The following TSPAN9 variants were observed in gnomAD, a reference collection of about 807,000 sequenced individuals.
TSPAN9 encodes the protein tetraspanin 9.
TSPAN9 carries 16 observed loss-of-function variants against 31.0 expected under a neutral mutation model. The ratio of observed to expected loss-of-function variants is 0.52; its 90% confidence interval spans 0.35 to 0.78. The LOEUF (loss-of-function observed/expected upper bound fraction) is 0.78, where lower values mean the gene tolerates loss of function less well. Ranked by LOEUF, TSPAN9 falls within the 30% of genes least tolerant of loss-of-function variation. The pLI is 0.01. For synonymous variants in TSPAN9, 145 were observed against 121.6 expected (o/e 1.19, Z -1.27); for missense variants, 272 against 312.5 (o/e 0.87, Z 0.98).
intron 2 of TSPAN9, among the ~76,000 whole-genome samples, chr12:3,196,552 G>T (rs369425545): frequency 6.6e-6 from 1 of 152,314 alleles, no homozygotes; most frequent in East Asian, 1.9e-4. Context: ...TGAAGATTGA[G>T]TGAGTTACTT....
At chr12:3,248,789 A>G (rs890059262) in intron 3 of TSPAN9, among the ~76,000 whole-genome samples, 2 of 152,178 alleles carry the variant, frequency 1.3e-5, no homozygotes, top group African/African-American at 4.8e-5. Context: ...GTTTCCAGCT[A>G]CATCTGGTGT....
chr12:3,210,133 C>A (rs79784729), intron 3 of TSPAN9, among the ~76,000 whole-genome samples: 41 of 141,224 alleles, frequency 2.9e-4, no homozygotes, highest in African/African-American at 3.5e-4. Flanking sequence ...GACTCCGTCT[C>A]AAAAAAAAAA....
intron 2 of TSPAN9, among the ~76,000 whole-genome samples, chr12:3,174,480 T>A (rs1355643895): frequency 6.6e-6 from 1 of 152,258 alleles, no homozygotes; most frequent in Admixed American, 6.5e-5. Context: ...TGTGTTCATT[T>A]CCAGGAGCCT....
At chr12:3,169,146 A>AG (rs907391509) in intron 2 of TSPAN9, among the ~76,000 whole-genome samples, 33 of 152,188 alleles carry the variant, frequency 2.2e-4, no homozygotes, top group African/African-American at 7.0e-4. Context: ...AGTGTGGGAG[A>AG]GGGGCAGAGG....
At chr12:3,266,352 A>G (rs1862536013) in intron 3 of TSPAN9, among the ~76,000 whole-genome samples, 1 of 152,200 alleles carries the variant, frequency 6.6e-6, no homozygotes, top group Non-Finnish European at 1.5e-5. Flanking sequence ...CTGGGTTGGG[A>G]GAATTAAATG....
chr12:3,239,728 C>G (rs2098395598), intron 3 of TSPAN9, among the ~76,000 whole-genome samples: 1 of 152,178 alleles, frequency 6.6e-6, no homozygotes, highest in African/African-American at 2.4e-5. Flanking sequence ...GGTTCCTGGT[C>G]TGCCCTCCTG....
Position 3,280,241 on chromosome 12 carries a change from G to T in TSPAN9, c.331-141G>T. The T allele has an allele frequency of 1.4e-6, 1 of 716,150 alleles. No individual in the cohort carries two copies. The allele number at this position is 716,150 out of a possible 1,614,324, so 44.4% of individuals were successfully genotyped here. ...CCAGCAGAGGCCCCCACCCCAGTGG[G>T]CAGGGCCTTCCAGACCAGCTGCCTT... On this transcript the variant is annotated intron_variant, in intron 5 of 8. Transcript: ENST00000011898. The surrounding 1 kb of genome is among the most constrained non-coding windows in gnomAD (Gnocchi z 4.5).
intron 2 of TSPAN9, among the ~76,000 whole-genome samples, chr12:3,176,246 A>G (rs1267103901): frequency 1.3e-5 from 2 of 152,124 alleles, no homozygotes. Context: ...GCAGAGTGAG[A>G]GTCTGAATGG....
At chr12:3,098,752 C>G (rs1188842442) in intron 2 of TSPAN9, among the ~76,000 whole-genome samples, 3 of 148,204 alleles carry the variant, frequency 2.0e-5, no homozygotes, top group African/African-American at 7.5e-5. Context: ...TTTTCTCTCT[C>G]TCTCTTTTTT....
At chr12:3,089,807 G>A (rs1263627426) in intron 2 of TSPAN9, among the ~76,000 whole-genome samples, 1 of 152,084 alleles carries the variant, frequency 6.6e-6, no homozygotes, top group Non-Finnish European at 1.5e-5. Context: ...TCGGGAGGCT[G>A]AGGTGGGAGG....
intron 3 of TSPAN9, among the ~76,000 whole-genome samples, chr12:3,260,309 G>C (rs142655819): frequency 0.012 from 1,873 of 152,382 alleles, 15 homozygotes; most frequent in Middle Eastern, 0.044. Flanking sequence ...AGCAGTCCCT[G>C]TTGTCACATG....
At chr12:3,221,349 A>AAT (rs1426247600) in intron 3 of TSPAN9, among the ~76,000 whole-genome samples, 8 of 147,824 alleles carry the variant, frequency 5.4e-5, no homozygotes, top group Non-Finnish European at 8.9e-5. Flanking sequence ...TTTTATTTAA[A>AAT]ATATTTTTCT....
chr12:3,105,020 TC>T (rs2098313586), intron 2 of TSPAN9, among the ~76,000 whole-genome samples: 1 of 152,208 alleles, frequency 6.6e-6, no homozygotes, highest in Admixed American at 6.5e-5. Flanking sequence ...GGGCAGGCCC[TC>T]TGCTTTAACT....
intron 5 of TSPAN9, among the ~76,000 whole-genome samples, 185 bp downstream of exon 5, chr12:3,279,251 G>A (rs890905695): frequency 6.6e-6 from 1 of 152,208 alleles, no homozygotes; most frequent in African/African-American, 2.4e-5. Context: ...GTTTTGATGG[G>A]GGCAGCATGG....
At chr12:3,237,248 C>T (rs369929680) in intron 3 of TSPAN9, among the ~76,000 whole-genome samples, 118 of 152,306 alleles carry the variant, frequency 7.7e-4, no homozygotes, top group African/African-American at 2.5e-3. Context: ...CCTGTGTCAG[C>T]GGCTCTATAG....
intron 3 of TSPAN9, among the ~76,000 whole-genome samples, chr12:3,210,133 C>CA (rs61255920): frequency 0.36 from 50,708 of 140,288 alleles, 9,225 homozygotes; most frequent in East Asian, 0.5. Context: ...GACTCCGTCT[C>CA]AAAAAAAAAA....
chr12:3,161,619 G>C (rs1347237916), intron 2 of TSPAN9, among the ~76,000 whole-genome samples: 1 of 152,170 alleles, frequency 6.6e-6, no homozygotes, highest in Non-Finnish European at 1.5e-5. Context: ...CTTTCCTGCT[G>C]GAAGAGCACC....
intron 2 of TSPAN9, among the ~76,000 whole-genome samples, chr12:3,195,883 C>T (rs1241048185): frequency 6.6e-6 from 1 of 152,178 alleles, no homozygotes; most frequent in African/African-American, 2.4e-5. Flanking sequence ...CTAGGGTGGC[C>T]ACCCACTTCA....
chr12:3,081,782 A>G (rs866783762), intron 1 of TSPAN9, among the ~76,000 whole-genome samples: 2 of 151,108 alleles, frequency 1.3e-5, no homozygotes, highest in Non-Finnish European at 2.9e-5. Context: ...CCTGGGCAAC[A>G]TAGTGAGGCC....
Sources: allele counts gnomAD v4.1 joint callset (sites outside exome capture counted in the v4.1 genomes callset), GRCh38; gene constraint gnomAD v4.1.1; non-coding constraint Gnocchi (gnomAD v3.1); transcripts MANE v1.5; gene names NCBI Gene and HGNC (gene_info 2026-07-23, HGNC 2026-07-21).